The following AHNAK variants were observed in gnomAD, a reference collection of about 807,000 sequenced individuals.
AHNAK encodes the protein neuroblast differentiation-associated protein AHNAK.
Under a neutral mutation model 37.8 loss-of-function variants are expected in AHNAK, and 23 were observed. The ratio of observed to expected loss-of-function variants is 0.61; its 90% CI spans 0.44 to 0.86. The LOEUF is 0.86. Ranked by LOEUF, AHNAK falls within the 40% of genes least tolerant of loss-of-function variation. The pLI is 0.00. For missense variants in AHNAK, 7,411 were observed against 7,319.4 expected, an observed-to-expected ratio of 1.01 and a Z score of -0.46; for synonymous variants, 2,481 against 2,636.3, an observed-to-expected ratio of 0.94 and a Z score of 1.80.
In AHNAK at chr11:62,524,752, G is replaced by C. The variant is rs1316431366; in HGVS notation, c.9665C>G (p.Pro3222Arg). Reference sequence around the variant, plus strand: ...GCCTTTAAGATTGAGGTCCAAATCAGGCATTGATATTTTAGGAGCTTTGAT... The same window carrying C: ...GCCTTTAAGATTGAGGTCCAAATCACGCATTGATATTTTAGGAGCTTTGAT... ...MNIKAPKISM[P>R]DLDLNLKGPK... Residue 3222 changes from proline (P) to arginine (R), a missense_variant, in exon 5 of 5, where the codon CCT becomes CGT. Physicochemically the swap from Pro to Arg is moderately radical, Grantham distance 103 (BLOSUM62 -2). Coordinates refer to ENST00000378024, the MANE Select transcript of AHNAK (RefSeq NM_001620.3). 1 of 1,614,158 alleles carries C rather than the reference G, an allele frequency of 6.2e-7. No individual in the cohort carries two copies. Among genetic ancestry groups the C allele is most frequent in the Non-Finnish European group, 8.5e-7 (1 of 1,180,024 alleles).
At chr11:62,461,296 C>A in intron 5 of AHNAK, among the ~76,000 whole-genome samples, 1 of 151,764 alleles carries the variant, frequency 6.6e-6, no homozygotes, top group East Asian at 2.0e-4. Flanking sequence ...CAGGCATGTG[C>A]CACCACACCC....
At chr11:62,489,205 C>T (rs117330710) in intron 5 of AHNAK, among the ~76,000 whole-genome samples, 8,418 of 148,688 alleles carry the variant, frequency 0.057, 313 homozygotes, top group Non-Finnish European at 0.083. Context: ...CACGCCACTG[C>T]ATTCCAGCCT....
In AHNAK at chr11:62,520,261, G is replaced by A. The variant is rs1324453927; in HGVS notation, c.14156C>T (p.Pro4719Leu). 3.7e-6 allele frequency: 6 copies of A among 1,612,008 alleles called. No homozygotes were observed. The East Asian group carries it at 1.1e-4, about 30-fold the overall frequency. ...FKMPEMSIKA[P>L]KISMPDIDLN... ...GTCAATATCAGGCATGGAGATCTTG[G>A]GGGCTTTGATGCTCATCTCAGGCAT... The change falls in exon 5 of 5, where the codon CCC becomes CTC. Residue 4719 changes from proline to leucine, a missense_variant. Transcript: ENST00000378024.
chr11:62,442,551 A>G (rs929699630), intron 5 of AHNAK, among the ~76,000 whole-genome samples: 1 of 152,012 alleles, frequency 6.6e-6, no homozygotes, highest in African/African-American at 2.4e-5. Context: ...CTATCTCAAA[A>G]ATAAATAATC....
intron 5 of AHNAK, among the ~76,000 whole-genome samples, chr11:62,483,527 C>T (rs1939319601): frequency 6.6e-6 from 1 of 151,794 alleles, no homozygotes; most frequent in African/African-American, 2.4e-5. Flanking sequence ...GAGATCGAGA[C>T]CATCCTGGCT....
chr11:62,467,301 A>G (rs1480520571), intron 5 of AHNAK, among the ~76,000 whole-genome samples: 1 of 152,188 alleles, frequency 6.6e-6, no homozygotes, highest in Non-Finnish European at 1.5e-5. Flanking sequence ...CTACAATTCA[A>G]ACTTTTGCAG....
intron 5 of AHNAK, among the ~76,000 whole-genome samples, chr11:62,479,124 C>A (rs1293035): frequency 0.76 from 114,701 of 150,068 alleles, 49,846 homozygotes; most frequent in Non-Finnish European, 0.96. Context: ...AGTAGGACAA[C>A]TTTTCTAAGA....
chr11:62,530,276 T>C lies in AHNAK; in HGVS notation c.4141A>G (p.Lys1381Glu). ...VDVHGPDWHL[K>E]MPKVKMPKFS... is the part of the protein sequence containing the mutation. ...TTGGGCATTTTCACCTTGGGCATCT[T>C]CAGGTGCCAATCTGGGCCATGAACA... The change falls in exon 5 of 5, where the codon AAG (lysine) becomes GAG (glutamate). Residue 1381 changes from lysine (K) to glutamate (E), a missense_variant. Coordinates refer to ENST00000378024, the MANE Select transcript of AHNAK (RefSeq NM_001620.3). 6.2e-7 allele frequency: 1 copy of C among 1,612,816 alleles called. No homozygotes were observed. Among genetic ancestry groups the C allele is most frequent in the South Asian group, 1.1e-5 (1 of 91,014 alleles).
chr11:62,440,921 T>A (rs941184775), intron 5 of AHNAK, among the ~76,000 whole-genome samples: 1 of 152,058 alleles, frequency 6.6e-6, no homozygotes, highest in African/African-American at 2.4e-5. Context: ...ATCCCAGCAC[T>A]TTGTGAGGCG....
intron 5 of AHNAK, among the ~76,000 whole-genome samples, chr11:62,443,367 G>A (rs1042913194): frequency 2.0e-5 from 3 of 148,848 alleles, no homozygotes; most frequent in East Asian, 2.0e-4. Context: ...CCGCCTCCAG[G>A]GTTCAAGCGA....
chr11:62,433,640 A>C (rs1938092619), exon 6 of AHNAK: 1 of 586,320 alleles, frequency 1.7e-6, no homozygotes, highest in Admixed American at 3.2e-5. Flanking sequence ...CTAAGCCCAC[A>C]CTCTGTCCCC....
Position 62,523,140 on chromosome 11 carries a change from G to A in AHNAK, c.11277C>T (p.Val3759=). The change falls in exon 5 of 5, where the codon GTC becomes GTT. Residue 3759 remains valine, a synonymous_variant. Transcript: ENST00000378024. ...DIDLNLKGPK[V]KGDVDVSLPK... ...GCAGAGAAACATCCACATCGCCCTT[G>A]ACTTTGGGGCCCTTCAGGTTTAAAT... 1.2e-6 allele frequency: 2 copies of A among 1,613,240 alleles called. No individual in the cohort carries two copies. Among genetic ancestry groups the A allele is most frequent in the Non-Finnish European group, 1.7e-6 (2 of 1,179,796 alleles).
intron 4 of AHNAK, among the ~76,000 whole-genome samples, chr11:62,493,679 C>A (rs1410231916): frequency 6.6e-6 from 1 of 151,746 alleles, no homozygotes; most frequent in Non-Finnish European, 1.5e-5. Context: ...CTATGTTGAC[C>A]AGGCTGGTCT....
intron 5 of AHNAK, among the ~76,000 whole-genome samples, chr11:62,440,459 T>A (rs1938280766): frequency 6.6e-6 from 1 of 152,008 alleles, no homozygotes; most frequent in African/African-American, 2.4e-5. Flanking sequence ...AACCCGTGGC[T>A]GGCCAGAGGG....
intron 1 of AHNAK, 81 bp from the exon 2 acceptor site, chr11:62,536,648 T>G (rs1940958861): frequency 6.6e-6 from 1 of 152,226 alleles, no homozygotes; most frequent in Non-Finnish European, 1.5e-5. Flanking sequence ...GATAGCCAGG[T>G]CCTCTGCTAC....
In AHNAK at chr11:62,522,475, T is replaced by C. The variant is rs1940294801; in HGVS notation, c.11942A>G (p.Asp3981Gly). The C allele has an allele frequency of 6.2e-7, 1 of 1,613,676 alleles. No homozygotes were observed. The highest frequency in any genetic ancestry group is 1.1e-5 in the South Asian group (1 of 91,046). ...GAATTTAGGGCCCTTCAGTTTCGCA[T>C]CTGGACCTTCAATATTCACATCTGG... The part of the protein sequence containing the change: ...DVPDVNIEGP[D>G]AKLKGPKFKM... Residue 3981 changes from aspartate to glycine, a missense_variant, in exon 5 of 5, where the codon GAT (aspartate) becomes GGT (glycine). Transcript: ENST00000378024.
intron 5 of AHNAK, among the ~76,000 whole-genome samples, chr11:62,448,613 G>A (rs1938467051): frequency 6.6e-6 from 1 of 152,220 alleles, no homozygotes; most frequent in Admixed American, 6.5e-5. Flanking sequence ...CAGGTTCAGG[G>A]GTGGGGGAGG....
chr11:62,502,513 A>C (rs1939731133), intron 4 of AHNAK, among the ~76,000 whole-genome samples: 1 of 152,214 alleles, frequency 6.6e-6, no homozygotes, highest in South Asian at 2.1e-4. Flanking sequence ...ATGGCTTATC[A>C]AGTTTCTGCC....
intron 5 of AHNAK, among the ~76,000 whole-genome samples, chr11:62,441,384 G>A (rs1938302315): frequency 6.6e-6 from 1 of 152,074 alleles, no homozygotes; most frequent in South Asian, 2.1e-4. Flanking sequence ...GAGGCAGGAG[G>A]ATCACTTGAG....
Sources: gnomAD v4.1 joint callset for allele counts (sites outside exome capture counted in the v4.1 genomes callset) on GRCh38, gnomAD v4.1.1 for gene constraint, MANE v1.5 for transcripts, NCBI Gene and HGNC (gene_info 2026-07-23, HGNC 2026-07-21) for gene names.